The following HS6ST3 variants were observed in gnomAD, a reference collection of about 807,000 sequenced individuals.
HS6ST3 encodes the protein heparan sulfate 6-O-sulfotransferase 3.
In HS6ST3, 12 loss-of-function variants were observed where a neutral mutation model predicts 36.7. That is an observed-to-expected ratio of 0.33 (90% confidence interval 0.21 to 0.53). The LOEUF (loss-of-function observed/expected upper bound fraction) is 0.53, where lower values mean the gene tolerates loss of function less well. Ranked by LOEUF, HS6ST3 falls within the 20% of genes least tolerant of loss-of-function variation. The pLI is 0.95. For synonymous variants in HS6ST3, 240 were observed against 257.5 expected (o/e 0.93, Z 0.65); for missense variants, 584 against 640.9 (o/e 0.91, Z 0.96).
intron 1 of HS6ST3, among the ~76,000 whole-genome samples, chr13:96,466,684 A>G (rs1952341): frequency 0.31 from 46,440 of 152,128 alleles, 7,340 homozygotes; most frequent in South Asian, 0.46. Flanking sequence ...GGTAATGGCT[A>G]TGTTGTTAAG....
intron 1 of HS6ST3, among the ~76,000 whole-genome samples, chr13:96,331,224 G>C (rs1172617297): frequency 1.3e-5 from 2 of 152,250 alleles, no homozygotes; most frequent in Non-Finnish European, 2.9e-5. Context: ...TGCTGGTGAG[G>C]AACTGCGTTC....
In HS6ST3 at chr13:96,191,814, T is replaced by C. The variant is rs148165752; in HGVS notation, c.707+100245T>C. Reference sequence around the variant, plus strand: ...GAAAGAGGATCTTTTTCTCTATGAGTCAACCAGTGCTTTGTAAATAAAATA... The same window carrying C: ...GAAAGAGGATCTTTTTCTCTATGAGCCAACCAGTGCTTTGTAAATAAAATA... On this transcript the variant is annotated intron_variant, in intron 1 of 1. Coordinates refer to ENST00000376705, the MANE Select transcript of HS6ST3 (RefSeq NM_153456.4). Among the ~76,000 whole-genome samples, 62 of 152,308 alleles carry C rather than the reference T, an allele frequency of 4.1e-4. 3 individuals carry two copies. In the East Asian group the frequency reaches 6.8e-3, roughly 17 times the overall value.
chr13:96,187,808 A>G (rs1171350636), intron 1 of HS6ST3, among the ~76,000 whole-genome samples: 1 of 152,116 alleles, frequency 6.6e-6, no homozygotes, highest in Non-Finnish European at 1.5e-5. Context: ...CAACTTCTTT[A>G]TCTGGCCAGC....
At chr13:96,623,637 T>C (rs2056502677) in intron 1 of HS6ST3, among the ~76,000 whole-genome samples, 1 of 152,152 alleles carries the variant, frequency 6.6e-6, no homozygotes, top group Non-Finnish European at 1.5e-5. Flanking sequence ...TGGGTCACGT[T>C]TCATTAACTG....
chr13:96,831,398 T>C (rs977453002), intron 1 of HS6ST3, among the ~76,000 whole-genome samples: 14 of 152,176 alleles, frequency 9.2e-5, no homozygotes, highest in South Asian at 2.1e-4. Flanking sequence ...TGAAATCAAA[T>C]AGGCCTAACT....
At chr13:96,493,846 A>T (rs138697112) in intron 1 of HS6ST3, among the ~76,000 whole-genome samples, 73 of 152,350 alleles carry the variant, frequency 4.8e-4, no homozygotes, top group African/African-American at 1.7e-3. Context: ...AAAGGAAAAT[A>T]TCAATATTTC....
At chr13:96,504,549 AAAT>A (rs1439065868) in intron 1 of HS6ST3, among the ~76,000 whole-genome samples, 1 of 152,074 alleles carries the variant, frequency 6.6e-6, no homozygotes, top group African/African-American at 2.4e-5. Context: ...CACAAAAAGA[AAAT>A]AATAAAAAAT....
At chr13:96,387,463 C>T (rs1384768462) in intron 1 of HS6ST3, among the ~76,000 whole-genome samples, 2 of 152,162 alleles carry the variant, frequency 1.3e-5, no homozygotes, top group Non-Finnish European at 2.9e-5. Context: ...TCTTGTGGAG[C>T]TATTTGTCAT....
intron 1 of HS6ST3, among the ~76,000 whole-genome samples, chr13:96,527,371 T>C (rs942439260): frequency 2.0e-5 from 3 of 152,186 alleles, no homozygotes. Flanking sequence ...ATTCGGATAA[T>C]AAGTATTTAT....
At chr13:96,275,063 C>A (rs1335763357) in intron 1 of HS6ST3, among the ~76,000 whole-genome samples, 2 of 152,036 alleles carry the variant, frequency 1.3e-5, no homozygotes, top group African/African-American at 4.8e-5. Flanking sequence ...AGTAAAAAAA[C>A]CTCCTCCCAA....
intron 1 of HS6ST3, among the ~76,000 whole-genome samples, chr13:96,540,962 G>C (rs1435319893): frequency 6.6e-6 from 1 of 152,156 alleles, no homozygotes; most frequent in African/African-American, 2.4e-5. Flanking sequence ...ATTCCTGAGA[G>C]CTCTGTTATA....
At chr13:96,576,256 C>A (rs2056320739) in intron 1 of HS6ST3, among the ~76,000 whole-genome samples, 1 of 142,700 alleles carries the variant, frequency 7.0e-6, no homozygotes. Flanking sequence ...GGTGCACAGG[C>A]CACAGCCCCC....
At chr13:96,768,803 A>T (rs1165925522) in intron 1 of HS6ST3, among the ~76,000 whole-genome samples, 2 of 151,884 alleles carry the variant, frequency 1.3e-5, no homozygotes, top group Non-Finnish European at 2.9e-5. Context: ...ATACCACTTT[A>T]TTCACAGCAC....
intron 1 of HS6ST3, among the ~76,000 whole-genome samples, chr13:96,560,165 C>T (rs573603984): frequency 1.3e-5 from 2 of 152,262 alleles, no homozygotes; most frequent in East Asian, 1.9e-4. Context: ...GGGCTTTGAG[C>T]GTGGGCCCCC....
At chr13:96,351,287 T>C (rs2055182191) in intron 1 of HS6ST3, among the ~76,000 whole-genome samples, 2 of 150,690 alleles carry the variant, frequency 1.3e-5, no homozygotes, top group Admixed American at 1.3e-4. Flanking sequence ...ATGTTATTTA[T>C]TTCAACTTCC....
In HS6ST3 at chr13:96,649,823, T is replaced by C. The variant is rs541713306; in HGVS notation, c.708-182667T>C. 2.6e-5 allele frequency among the ~76,000 whole-genome samples: 4 copies of C among 152,218 alleles called. No homozygotes were observed. The South Asian group carries it at 8.3e-4, about 31-fold the overall frequency. ...CCTGACTTGAATTCTCCAGTGCCTTTCATTTCACTCAGAGTAAAAGCCAAA... is the reference window on the plus strand; with the variant it reads ...CCTGACTTGAATTCTCCAGTGCCTTCCATTTCACTCAGAGTAAAAGCCAAA... On this transcript the variant is annotated intron_variant, in intron 1 of 1. Transcript: ENST00000376705.
At chr13:96,597,441 T>C (rs2056405799) in intron 1 of HS6ST3, among the ~76,000 whole-genome samples, 1 of 152,112 alleles carries the variant, frequency 6.6e-6, no homozygotes, top group Non-Finnish European at 1.5e-5. Flanking sequence ...ACATTGAGCA[T>C]TTTTCATATT....
In HS6ST3 at chr13:96,391,472, A is replaced by G. The variant is rs184313060; in HGVS notation, c.707+299903A>G. Among the ~76,000 whole-genome samples the G allele has an allele frequency of 3.2e-3, 481 of 152,278 alleles. 1 individual carries two copies. The highest frequency in any genetic ancestry group is 0.02 in the Middle Eastern group (6 of 294). ...TTCTCAGCTGGGATCACACAAAGCAACAGACACTTTGCCTTCTTGCTTCAG... is the reference window on the plus strand; with the variant it reads ...TTCTCAGCTGGGATCACACAAAGCAGCAGACACTTTGCCTTCTTGCTTCAG... On this transcript the variant is annotated intron_variant, in intron 1 of 1. Coordinates refer to ENST00000376705, the MANE Select transcript of HS6ST3 (RefSeq NM_153456.4).
chr13:96,311,000 A>C (rs1315094525), intron 1 of HS6ST3, among the ~76,000 whole-genome samples: 1 of 152,174 alleles, frequency 6.6e-6, no homozygotes, highest in African/African-American at 2.4e-5. Flanking sequence ...TCAGACTTAC[A>C]TGTGGAAGTT....
Sources: gnomAD v4.1 joint callset for allele counts (sites outside exome capture counted in the v4.1 genomes callset) on GRCh38, gnomAD v4.1.1 for gene constraint, MANE v1.5 for transcripts, NCBI Gene and HGNC (gene_info 2026-07-23, HGNC 2026-07-21) for gene names.